Variants in WDFY3 observed in about 807,000 individuals in gnomAD.
The protein encoded by WDFY3 is WD repeat and FYVE domain-containing protein 3.
In WDFY3, 66 loss-of-function variants were observed where a neutral mutation model predicts 409.6. That is an observed-to-expected ratio of 0.16 (90% CI 0.13 to 0.20). WDFY3 has a LOEUF of 0.20. WDFY3 is among the 10% of genes least tolerant of loss of function. WDFY3 has a pLI of 1.00. For missense variants in WDFY3, 3,031 were observed against 4,298.1 expected, an observed-to-expected ratio of 0.71 and a Z score of 8.24; for synonymous variants, 1,521 against 1,537.1, an observed-to-expected ratio of 0.99 and a Z score of 0.25.
chr4:84,834,557 A>G (rs1218651006), intron 7 of WDFY3, among the ~76,000 whole-genome samples: 1 of 152,014 alleles, frequency 6.6e-6, no homozygotes, highest in Non-Finnish European at 1.5e-5. Context: ...TGGCTGAGGC[A>G]CAAAAATCGC....
chr4:84,821,016 C>T (rs1016181383), intron 11 of WDFY3, 68 bp downstream of exon 11: 17 of 1,390,850 alleles, frequency 1.2e-5, no homozygotes, highest in Non-Finnish European at 1.6e-5. Flanking sequence ...AGAATGGGAA[C>T]AAGAACAAAA....
chr4:84,904,937 G>GAGACCAGCCTGGT (rs1172791302), intron 2 of WDFY3, among the ~76,000 whole-genome samples: 2 of 151,916 alleles, frequency 1.3e-5, no homozygotes, highest in African/African-American at 2.4e-5. Flanking sequence ...TCAGGAGTTC[G>GAGACCAGCCTGGT]CACATTGGTG....
chr4:84,859,820 C>T (rs999890247), intron 4 of WDFY3, among the ~76,000 whole-genome samples: 1 of 152,160 alleles, frequency 6.6e-6, no homozygotes. Context: ...GGTGATCCAC[C>T]TGCCTTGGCT....
At chr4:84,746,404 T>C (rs532206667) in intron 36 of WDFY3, among the ~76,000 whole-genome samples, 109 of 152,264 alleles carry the variant, frequency 7.2e-4, no homozygotes, top group Admixed American at 3.5e-3. Context: ...AAATCTTAAC[T>C]AGAAAAAGTT....
At chr4:84,895,211 T>C (rs989128264) in intron 3 of WDFY3, among the ~76,000 whole-genome samples, 1 of 152,152 alleles carries the variant, frequency 6.6e-6, no homozygotes, top group Non-Finnish European at 1.5e-5. Context: ...TAGTAACTAG[T>C]GATGGAAAGA....
intron 4 of WDFY3, among the ~76,000 whole-genome samples, chr4:84,850,360 C>T (rs1430955137): frequency 6.6e-6 from 1 of 152,056 alleles, no homozygotes; most frequent in Non-Finnish European, 1.5e-5. Flanking sequence ...ACTCTGTCGC[C>T]TAGGCTGGAG....
At chr4:84,696,851 A>T in intron 56 of WDFY3, 28 bp from the exon 57 acceptor site, 1 of 1,584,054 alleles carries the variant, frequency 6.3e-7, no homozygotes, top group Non-Finnish European at 8.7e-7. Flanking sequence ...TTAAAAATAA[A>T]AAAAAAGAAA....
At chr4:84,734,014 A>T (rs1188637609) in intron 43 of WDFY3, among the ~76,000 whole-genome samples, 3 of 152,156 alleles carry the variant, frequency 2.0e-5, no homozygotes, top group African/African-American at 4.8e-5. Flanking sequence ...TGTACGGGGG[A>T]TATTCTAGGA....
At chr4:84,908,444 T>C (rs988870970) in intron 2 of WDFY3, among the ~76,000 whole-genome samples, 2 of 152,332 alleles carry the variant, frequency 1.3e-5, no homozygotes, top group East Asian at 1.9e-4. Flanking sequence ...ACAATCTTTA[T>C]TGGTATACAT....
At chr4:84,930,523 C>T (rs970200773) in intron 2 of WDFY3, among the ~76,000 whole-genome samples, 1 of 152,088 alleles carries the variant, frequency 6.6e-6, no homozygotes, top group South Asian at 2.1e-4. Context: ...GTGGCGATGC[C>T]GGATCTGAAT....
intron 9 of WDFY3, among the ~76,000 whole-genome samples, chr4:84,827,811 T>C (rs1210224429): frequency 2.6e-5 from 4 of 152,162 alleles, no homozygotes; most frequent in African/African-American, 9.7e-5. Context: ...CTAGGTTAAA[T>C]TGGTGTTAGA....
chr4:84,858,429 T>C (rs938181074), intron 4 of WDFY3, among the ~76,000 whole-genome samples: 2 of 151,684 alleles, frequency 1.3e-5, no homozygotes, highest in South Asian at 4.2e-4. Context: ...ACTAAAAAAA[T>C]AAATAAATAA....
chr4:84,679,874 G>GTATA lies in WDFY3; in HGVS notation c.9824-636_9824-633dup, dbSNP rs377394669. On this transcript the variant is annotated intron_variant, in intron 64 of 67. Coordinates refer to ENST00000295888, the MANE Select transcript of WDFY3 (RefSeq NM_014991.6). ...CACACACACACACACACGTACGTGT[G>GTATA]TATATATATATATATATGTATGTAT... is the stretch of plus-strand genomic sequence containing the variant. Among the ~76,000 whole-genome samples the GTATA allele has an allele frequency of 2.9e-4, 43 of 146,994 alleles. 1 individual carries two copies. The South Asian group carries it at 3.7e-3, about 13-fold the overall frequency.
intron 12 of WDFY3, among the ~76,000 whole-genome samples, chr4:84,818,314 C>T (rs1753602467): frequency 1.3e-5 from 2 of 152,024 alleles, no homozygotes; most frequent in Admixed American, 1.3e-4. Flanking sequence ...AAAAAATGGG[C>T]CCAGTGACTG....
At chr4:84,850,109 G>A (rs1758673195) in intron 4 of WDFY3, 84 bp from the exon 5 acceptor site, 1 of 1,441,042 alleles carries the variant, frequency 6.9e-7, no homozygotes, top group Admixed American at 2.5e-5. Flanking sequence ...GGTATGACTT[G>A]AAAATCAAGT....
chr4:84,730,191 G>A (rs1265995090), intron 44 of WDFY3, among the ~76,000 whole-genome samples: 1 of 152,036 alleles, frequency 6.6e-6, no homozygotes, highest in East Asian at 1.9e-4. Flanking sequence ...TTTTCTTAGA[G>A]AGCCCTCTCC....
At chr4:84,716,336 G>A (rs943832771) in intron 49 of WDFY3, among the ~76,000 whole-genome samples, 1 of 151,482 alleles carries the variant, frequency 6.6e-6, no homozygotes, top group African/African-American at 2.4e-5. Flanking sequence ...CTATGCAGGA[G>A]GCTGAGGCAG....
chr4:84,697,665 A>G (rs973249580), intron 56 of WDFY3, among the ~76,000 whole-genome samples: 2 of 152,226 alleles, frequency 1.3e-5, no homozygotes, highest in Non-Finnish European at 1.5e-5. Flanking sequence ...ATACCAAAAA[A>G]GTCACTTTAG....
In WDFY3 at chr4:84,739,115, C is replaced by T. The variant is rs1234556759; in HGVS notation, c.6469G>A (p.Val2157Met). 16 of 1,613,956 alleles carry T rather than the reference C, an allele frequency of 9.9e-6. No individual in the cohort carries two copies. Among genetic ancestry groups the T allele is most frequent in the East Asian group, 2.2e-5 (1 of 44,856 alleles). Residue 2157 changes from valine (V) to methionine (M), a missense_variant, in exon 40 of 68, where the codon GTG becomes ATG. Around this residue, in one of 16 missense-constraint regions of WDFY3, gnomAD observed 314 missense variants for 397.4 expected, o/e 0.79. Transcript: ENST00000295888. ...TCTGCTTCCAGTCCAAATCCATCCA[C>T]GTTGCTGAAAAATTCCAGTCAGTTT... ...CLINLHVGSN[V>M]DGFGLEAEAR...
Sources: gnomAD v4.1 joint callset for allele counts (sites outside exome capture counted in the v4.1 genomes callset) on GRCh38, gnomAD v4.1.1 for gene constraint, gnomAD v4.1.1 regional missense constraint, MANE v1.5 for transcripts, NCBI Gene and HGNC (gene_info 2026-07-23, HGNC 2026-07-21) for gene names.